ATL3: variants seen among roughly 807,000 people sequenced by gnomAD.
ATL3 encodes the protein atlastin-3.
In ATL3, 49 loss-of-function variants were observed where a neutral mutation model predicts 69.5. That is an observed-to-expected ratio of 0.71 (90% confidence interval 0.56 to 0.89). The LOEUF (loss-of-function observed/expected upper bound fraction) is 0.89. ATL3 is among the 40% of genes least tolerant of loss of function. The pLI is 0.00. For synonymous variants in ATL3, 214 were observed against 224.1 expected (o/e 0.95, Z 0.40); for missense variants, 606 against 645.7 (o/e 0.94, Z 0.67).
chr11:63,639,053 TG>T (rs2134478825), intron 8 of ATL3, among the ~76,000 whole-genome samples: 1 of 152,304 alleles, frequency 6.6e-6, no homozygotes, highest in South Asian at 2.1e-4. Flanking sequence ...ATCTCAACCA[TG>T]GAACTGCACA....
chr11:63,652,427 C>T, intron 4 of ATL3, 44 bp downstream of exon 4: 1 of 1,261,614 alleles, frequency 7.9e-7, no homozygotes, highest in Non-Finnish European at 1.1e-6. Flanking sequence ...CTCCCTTTAT[C>T]TTATTTCCTT....
At chr11:63,637,737 T>C (rs1193952411) in intron 8 of ATL3, 1 of 152,052 alleles carries the variant, frequency 6.6e-6, no homozygotes, top group Non-Finnish European at 1.5e-5. Flanking sequence ...AAAAAGCAGG[T>C]AGGAGCCCAC....
At chr11:63,638,877 T>G (rs955092329) in intron 8 of ATL3, among the ~76,000 whole-genome samples, 1 of 152,168 alleles carries the variant, frequency 6.6e-6, no homozygotes, top group Non-Finnish European at 1.5e-5. Flanking sequence ...ACCACTAAAA[T>G]AATTCCTAAA....
Position 63,643,417 on chromosome 11 carries a change from G to A in ATL3, c.790C>T (p.Leu264Phe). The A allele has an allele frequency of 1.2e-6, 2 of 1,611,840 alleles. No homozygotes were observed. The highest frequency in any genetic ancestry group is 1.7e-6 in the Non-Finnish European group (2 of 1,178,940). ...ACCTGGAGTCCTGGATGTGGTAAGA[G>A]AAAGCAGGTGACATCGGAGAAACAT... ...HSCFSDVTCF[L>F]LPHPGLQVAT... The change falls in exon 8 of 13, where the codon CTC (leucine) becomes TTC (phenylalanine). Residue 264 changes from leucine to phenylalanine, a missense_variant. By Grantham distance (22) the Leu-to-Phe change is conservative. Coordinates refer to ENST00000398868, the MANE Select transcript of ATL3 (RefSeq NM_015459.5).
intron 5 of ATL3, among the ~76,000 whole-genome samples, chr11:63,649,933 G>A (rs577810836): frequency 2.0e-5 from 3 of 152,116 alleles, no homozygotes; most frequent in East Asian, 1.9e-4. Context: ...GTAGTATATC[G>A]TAAGTACACT....
chr11:63,642,260 G>C (rs533175853), intron 8 of ATL3, among the ~76,000 whole-genome samples: 1 of 152,278 alleles, frequency 6.6e-6, no homozygotes, highest in Admixed American at 6.5e-5. Flanking sequence ...CAGGAAAGCT[G>C]TCAATCACGT....
At chr11:63,642,205 T>C (rs1196294239) in intron 8 of ATL3, among the ~76,000 whole-genome samples, 1 of 152,208 alleles carries the variant, frequency 6.6e-6, no homozygotes, top group African/African-American at 2.4e-5. Context: ...GCAATAATCT[T>C]AGATTTTTCA....
At chr11:63,669,583 A>G (rs1264028600) in intron 1 of ATL3, among the ~76,000 whole-genome samples, 1 of 152,102 alleles carries the variant, frequency 6.6e-6, no homozygotes. Context: ...CTAGTACACA[A>G]CACCACATCT....
At chr11:63,633,130 C>T (rs1291380823) in intron 10 of ATL3, 33 bp from the exon 11 acceptor site, 3 of 1,573,186 alleles carry the variant, frequency 1.9e-6, no homozygotes, top group African/African-American at 2.7e-5. Context: ...ACTGTAAATC[C>T]TTCCTCTTTT....
Position 63,635,565 on chromosome 11 carries a change from TCTC to T in ATL3, c.1001_1003del (p.Gly334del), listed in dbSNP as rs1458280485. On this transcript the variant is annotated inframe_deletion, in exon 10 of 13. Coordinates refer to ENST00000398868, the MANE Select transcript of ATL3 (RefSeq NM_015459.5). Reference sequence around the variant, plus strand: ...CATGGACTTGGGGTGAGGCAGATCTTCTCCTTGATAAATTTTAATATATGCCTT... The same window carrying T: ...CATGGACTTGGGGTGAGGCAGATCTTCTTGATAAATTTTAATATATGCCTT... 31 of 1,611,910 alleles carry T rather than the reference TCTC, an allele frequency of 1.9e-5. No homozygotes were observed. The highest frequency in any genetic ancestry group is 6.6e-5 in the South Asian group (6 of 90,968).
chr11:63,647,262 T>C (rs956722524), intron 5 of ATL3, among the ~76,000 whole-genome samples: 7 of 152,216 alleles, frequency 4.6e-5, no homozygotes. Flanking sequence ...TAATGGCGCG[T>C]GGCTCATCGC....
intron 3 of ATL3, among the ~76,000 whole-genome samples, chr11:63,657,389 G>A (rs1565281169): frequency 6.6e-6 from 1 of 152,120 alleles, no homozygotes; most frequent in Non-Finnish European, 1.5e-5. Flanking sequence ...ATGAGACTGG[G>A]GCTAAGAAGC....
intron 1 of ATL3, among the ~76,000 whole-genome samples, chr11:63,661,586 G>A (rs910617602): frequency 3.3e-5 from 5 of 149,390 alleles, no homozygotes; most frequent in African/African-American, 1.3e-4. Context: ...TTAAAGAGAA[G>A]AGAAGAGAAG....
intron 8 of ATL3, among the ~76,000 whole-genome samples, chr11:63,640,562 T>C (rs1241293035): frequency 6.6e-6 from 1 of 151,368 alleles, no homozygotes. Context: ...TGTTTCCAGT[T>C]ATTCTCTATG....
chr11:63,635,693 C>T (rs924366007), intron 9 of ATL3, 103 bp from the exon 10 acceptor site: 79 of 876,920 alleles, frequency 9.0e-5, no homozygotes, highest in Non-Finnish European at 1.1e-4. Flanking sequence ...TTCCTAAAGA[C>T]TTAGGTCAAC....
chr11:63,633,717 CAAA>C (rs755308089), intron 10 of ATL3, among the ~76,000 whole-genome samples: 1 of 41,272 alleles, frequency 2.4e-5, no homozygotes, highest in Non-Finnish European at 4.3e-5. Flanking sequence ...AGATGTGAGT[CAAA>C]AAAAAAAAAA....
intron 6 of ATL3, among the ~76,000 whole-genome samples, chr11:63,645,262 C>T (rs1034613753): frequency 6.6e-6 from 1 of 151,196 alleles, no homozygotes. Context: ...AAAAAATTAG[C>T]CGGGCGCCTG....
intron 8 of ATL3, 120 bp downstream of exon 8, chr11:63,643,237 A>C: frequency 8.9e-7 from 1 of 1,118,118 alleles, no homozygotes; most frequent in Non-Finnish European, 1.2e-6. Flanking sequence ...TAGACTTTAA[A>C]TACTACTCTT....
At chr11:63,653,084 C>T (rs1028701103) in intron 3 of ATL3, among the ~76,000 whole-genome samples, 2 of 151,946 alleles carry the variant, frequency 1.3e-5, no homozygotes, top group Non-Finnish European at 2.9e-5. Context: ...CCCAGCACTT[C>T]GGGAGGGAGG....
Sources: gnomAD v4.1 joint callset for allele counts (sites outside exome capture counted in the v4.1 genomes callset) on GRCh38, gnomAD v4.1.1 for gene constraint, MANE v1.5 for transcripts, NCBI Gene and HGNC (gene_info 2026-07-23, HGNC 2026-07-21) for gene names.